The following NRG1 variants were observed in gnomAD, a reference collection of about 807,000 sequenced individuals.
NRG1 encodes pro-neuregulin-1, membrane-bound isoform.
A neutral mutation model predicts 63.8 loss-of-function variants in NRG1; 18 were observed. That is an observed-to-expected ratio of 0.28 (90% CI 0.19 to 0.42). NRG1 has a LOEUF of 0.42. Ranked by LOEUF, NRG1 falls within the 10% of genes least tolerant of loss-of-function variation. The pLI is 1.00. For missense variants in NRG1, 762 were observed against 814.7 expected (o/e 0.94, Z 0.79); for synonymous variants, 302 against 301.3 (o/e 1.00, Z -0.02).
chr8:32,393,871 C>T (rs968082274), intron 1 of NRG1, among the ~76,000 whole-genome samples: 1 of 152,088 alleles, frequency 6.6e-6, no homozygotes, highest in Admixed American at 6.6e-5. Flanking sequence ...CACATGTACC[C>T]ATGAACCTAA....
intron 1 of NRG1, among the ~76,000 whole-genome samples, chr8:31,872,663 T>G (rs918343964): frequency 6.6e-6 from 1 of 152,194 alleles, no homozygotes. Context: ...GGAAAAGTCA[T>G]AGTGGATAAC....
At chr8:31,947,944 C>CA (rs55953491) in intron 1 of NRG1, among the ~76,000 whole-genome samples, 4,657 of 32,922 alleles carry the variant, frequency 0.14, 1,270 homozygotes, top group East Asian at 0.27. Context: ...GACTCCATCT[C>CA]AAAAAAAAAA....
At chr8:32,550,097 G>A (rs1833842601) in intron 1 of NRG1, among the ~76,000 whole-genome samples, 1 of 152,180 alleles carries the variant, frequency 6.6e-6, no homozygotes, top group African/African-American at 2.4e-5. Context: ...TATTGGCAGA[G>A]ACCTTCAGCA....
chr8:32,488,546 C>A (rs907628352), intron 1 of NRG1, among the ~76,000 whole-genome samples: 4 of 152,124 alleles, frequency 2.6e-5, no homozygotes. Context: ...GAGGCCAAGG[C>A]AGGCAGATCA....
At chr8:31,699,648 T>C (rs1810434257) in intron 1 of NRG1, among the ~76,000 whole-genome samples, 1 of 152,202 alleles carries the variant, frequency 6.6e-6, no homozygotes, top group Non-Finnish European at 1.5e-5. Context: ...ACATTAATTT[T>C]ACAGGTCCAT....
intron 1 of NRG1, among the ~76,000 whole-genome samples, chr8:31,749,469 A>C (rs1383753857): frequency 6.6e-6 from 1 of 151,874 alleles, no homozygotes; most frequent in African/African-American, 2.4e-5. Flanking sequence ...AGATTGAAGA[A>C]GTGTAGAGGG....
intron 1 of NRG1, among the ~76,000 whole-genome samples, chr8:32,435,860 T>C (rs1236209209): frequency 6.6e-6 from 1 of 152,204 alleles, no homozygotes; most frequent in East Asian, 1.9e-4. Context: ...ACCTGTCATT[T>C]ATTTTAATTG....
chr8:32,330,474 T>A (rs1165467270), intron 1 of NRG1, among the ~76,000 whole-genome samples: 14 of 152,058 alleles, frequency 9.2e-5, no homozygotes, highest in Non-Finnish European at 1.9e-4. Context: ...TGTGGGGAAG[T>A]GAAGGATGTG....
intron 1 of NRG1, among the ~76,000 whole-genome samples, chr8:32,399,421 T>C (rs1012639220): frequency 3.9e-5 from 6 of 152,196 alleles, no homozygotes; most frequent in African/African-American, 1.4e-4. Flanking sequence ...TAGGGGGATG[T>C]GGTGGCTCAC....
intron 1 of NRG1, among the ~76,000 whole-genome samples, chr8:32,407,291 ATATTATATATATATATATATATATATAT>A (rs1231908548): frequency 0.33 from 3,048 of 9,250 alleles, 162 homozygotes; most frequent in Non-Finnish European, 0.39. Context: ...ATATATATAT[ATATTATATATATATATATATATATATAT>A]TATATATATA....
At chr8:32,154,096 G>A (rs1406005841) in intron 1 of NRG1, among the ~76,000 whole-genome samples, 1 of 152,104 alleles carries the variant, frequency 6.6e-6, no homozygotes, top group Admixed American at 6.5e-5. Flanking sequence ...TTTCTGATGA[G>A]GAGAATGGAA....
At chr8:31,680,851 C>T (rs961009523) in intron 1 of NRG1, among the ~76,000 whole-genome samples, 79 of 152,254 alleles carry the variant, frequency 5.2e-4, no homozygotes, top group African/African-American at 1.8e-3. Context: ...TTTTTACTCA[C>T]CATGGACCAT....
chr8:31,788,970 T>C (rs1382367665), intron 1 of NRG1, among the ~76,000 whole-genome samples: 1 of 152,184 alleles, frequency 6.6e-6, no homozygotes, highest in Non-Finnish European at 1.5e-5. Context: ...TATGATGTTT[T>C]AGAGAACTGC....
At chr8:31,707,364 A>G (rs1811251452) in intron 1 of NRG1, among the ~76,000 whole-genome samples, 3 of 151,948 alleles carry the variant, frequency 2.0e-5, no homozygotes, top group South Asian at 2.1e-4. Context: ...TGGTCTGTTT[A>G]TTTATGTGCC....
At chr8:31,708,636 G>A (rs995249116) in intron 1 of NRG1, among the ~76,000 whole-genome samples, 8 of 151,532 alleles carry the variant, frequency 5.3e-5, no homozygotes, top group Non-Finnish European at 8.8e-5. Flanking sequence ...TAGTAGAGAC[G>A]GGGTTTCACC....
chr8:31,724,906 G>T (rs1254332335), intron 1 of NRG1, among the ~76,000 whole-genome samples: 1 of 152,108 alleles, frequency 6.6e-6, no homozygotes, highest in Non-Finnish European at 1.5e-5. Flanking sequence ...TTATGCTTTT[G>T]TGAACCATAG....
intron 1 of NRG1, among the ~76,000 whole-genome samples, chr8:32,488,572 C>T (rs1243612224): frequency 6.6e-6 from 1 of 152,028 alleles, no homozygotes; most frequent in African/African-American, 2.4e-5. Flanking sequence ...GCCCAGGAGT[C>T]AGAGACCAGC....
chr8:31,996,414 A>C (rs1811973946), intron 1 of NRG1, among the ~76,000 whole-genome samples: 1 of 151,962 alleles, frequency 6.6e-6, no homozygotes, highest in Admixed American at 6.6e-5. Context: ...ACACATAAAG[A>C]GGAAGCAAGT....
At chr8:31,938,249 C>G (rs1801223699) in intron 1 of NRG1, among the ~76,000 whole-genome samples, 1 of 152,082 alleles carries the variant, frequency 6.6e-6, no homozygotes, top group African/African-American at 2.4e-5. Context: ...GCAGATATTC[C>G]CCAGTACAAG....
Sources: gnomAD v4.1 joint callset for allele counts (sites outside exome capture counted in the v4.1 genomes callset) on GRCh38, gnomAD v4.1.1 for gene constraint, MANE v1.5 for transcripts, NCBI Gene and HGNC (gene_info 2026-07-23, HGNC 2026-07-21) for gene names.